The following GABRG2 variants were observed in gnomAD, a reference collection of about 807,000 sequenced individuals.
The protein encoded by GABRG2 is gamma-aminobutyric acid receptor subunit gamma-2.
In GABRG2, 16 loss-of-function variants were observed where a neutral mutation model predicts 56.4. The ratio of observed to expected loss-of-function variants is 0.28; its 90% CI spans 0.19 to 0.43. The LOEUF is 0.43. Among genes scored for constraint, GABRG2 ranks in the 20% least tolerant of loss-of-function variants. The pLI is 1.00. For synonymous variants in GABRG2, 208 were observed against 205.5 expected, an observed-to-expected ratio of 1.01 and a Z score of -0.10; for missense variants, 327 against 582.7, an observed-to-expected ratio of 0.56 and a Z score of 4.52.
At chr5:162,067,750 C>T (rs886060376), upstream of GABRG2, 18 of 610,278 alleles carry the variant, frequency 2.9e-5, no homozygotes, top group South Asian at 1.8e-4. Flanking sequence ...GATGATATTA[C>T]TCCCCCAGAC....
At chr5:162,119,460 T>C in intron 6 of GABRG2, among the ~76,000 whole-genome samples, 1 of 152,140 alleles carries the variant, frequency 6.6e-6, no homozygotes, top group Middle Eastern at 3.2e-3. Flanking sequence ...TTATAGTATA[T>C]CATAATTCTC....
intron 9 of GABRG2, chr5:162,152,109 T>G (rs1765416937): frequency 4.8e-6 from 1 of 206,438 alleles, no homozygotes; most frequent in African/African-American, 2.3e-5. Flanking sequence ...AAAATTTAAC[T>G]CTGTAAATCT....
chr5:162,081,937 A>G (rs779382049), intron 1 of GABRG2, among the ~76,000 whole-genome samples: 13 of 151,992 alleles, frequency 8.6e-5, no homozygotes, highest in Admixed American at 2.6e-4. Context: ...TTAAAAACTT[A>G]TCTTACAGAA....
chr5:162,135,366 C>T (rs1243263629), intron 6 of GABRG2, among the ~76,000 whole-genome samples: 5 of 152,012 alleles, frequency 3.3e-5, no homozygotes, highest in African/African-American at 1.2e-4. Context: ...TGTTGATCTC[C>T]ACTTTGGTCT....
chr5:162,108,824 C>A (rs1762019514), intron 6 of GABRG2, among the ~76,000 whole-genome samples: 1 of 152,108 alleles, frequency 6.6e-6, no homozygotes, highest in African/African-American at 2.4e-5. Context: ...TCCATTAACT[C>A]CTCCAAGAGC....
chr5:162,104,987 T>C (rs1761694945), intron 6 of GABRG2, among the ~76,000 whole-genome samples: 1 of 152,236 alleles, frequency 6.6e-6, no homozygotes. Flanking sequence ...TTACATATGT[T>C]CGAATTTCAA....
intron 1 of GABRG2, among the ~76,000 whole-genome samples, chr5:162,090,346 T>A (rs573775191): frequency 6.6e-6 from 1 of 151,530 alleles, no homozygotes; most frequent in Non-Finnish European, 1.5e-5. Flanking sequence ...CACATACACA[T>A]ACACATACAT....
intron 4 of GABRG2, chr5:162,098,938 C>T (rs760343251): frequency 2.1e-4 from 32 of 151,994 alleles, no homozygotes; most frequent in African/African-American, 7.5e-4. Context: ...TCTGACCTTA[C>T]GGAGTTGCTA....
rs115976622 is a variant in GABRG2, at chr5:162,068,089, G to T, written c.90G>T (p.Leu30=). 1 of 1,612,716 alleles carries T rather than the reference G, an allele frequency of 6.2e-7. No homozygotes were observed. Among genetic ancestry groups the T allele is most frequent in the African/African-American group, 1.3e-5 (1 of 74,852 alleles). ...AAATGACGGTGTGGATTCTGCTCCT[G>T]CTGTCGCTCTACCCTGGGTAAGATG... The part of the protein sequence containing the change: ...SQKMTVWILL[L]LSLYPGFTSQ... Residue 30 remains leucine, a synonymous_variant, in exon 1 of 10, where the codon CTG becomes CTT. Coordinates refer to ENST00000639213, the MANE Select transcript of GABRG2 (RefSeq NM_198904.4).
chr5:162,153,128 C>G lies in GABRG2; in HGVS notation c.1188C>G (p.Thr396=). 1.2e-6 allele frequency: 2 copies of G among 1,614,016 alleles called. No individual in the cohort carries two copies. Among genetic ancestry groups the G allele is most frequent in the Non-Finnish European group, 8.5e-7 (1 of 1,179,962 alleles). The change falls in exon 10 of 10, where the codon ACC becomes ACG. Residue 396 remains threonine (T), a synonymous_variant. Coordinates refer to ENST00000639213, the MANE Select transcript of GABRG2 (RefSeq NM_198904.4). ...TTGATATCCGCCCAAGATCAGCAAC[C>G]ATTCAAATGAATAATGCTACACACC... ...PTIDIRPRSA[T]IQMNNATHLQ... is the part of the protein sequence containing the mutation.
chr5:162,099,633 T>C (rs1761266579), intron 4 of GABRG2: 1 of 152,194 alleles, frequency 6.6e-6, no homozygotes, highest in Admixed American at 6.6e-5. Flanking sequence ...TCAGTCCAGC[T>C]TTTGAAATAT....
Position 162,153,089 on chromosome 5 carries a change from C to G in GABRG2, c.1153-4C>G, listed in dbSNP as rs1398537683. Reference sequence around the variant, plus strand: ...ATCCCTCTCCTTCCCTACCCTCGTCCCAGGCCCCTACCATTGATATCCGCC... The same window carrying G: ...ATCCCTCTCCTTCCCTACCCTCGTCGCAGGCCCCTACCATTGATATCCGCC... On this transcript the variant is annotated splice_region_variant and splice_polypyrimidine_tract_variant and intron_variant, in intron 9 of 9. Transcript: ENST00000639213. 2 of 1,613,970 alleles carry G rather than the reference C, an allele frequency of 1.2e-6. No individual in the cohort carries two copies. Among genetic ancestry groups the G allele is most frequent in the Non-Finnish European group, 1.7e-6 (2 of 1,179,940 alleles).
chr5:162,105,158 C>T (rs1428732550), intron 6 of GABRG2, among the ~76,000 whole-genome samples: 1 of 152,034 alleles, frequency 6.6e-6, no homozygotes, highest in East Asian at 1.9e-4. Flanking sequence ...GGAATCAGGC[C>T]TTCATCTACT....
chr5:162,097,668 A>T lies in GABRG2; in HGVS notation c.358A>T (p.Thr120Ser), dbSNP rs766103158. The change falls in exon 4 of 10, where the codon ACG (threonine) becomes TCG (serine). Residue 120 changes from threonine to serine, a missense_variant. By Grantham distance (58) the Thr-to-Ser change is moderately conservative. This residue lies in a region of GABRG2 where 104 missense variants were observed against 209.3 expected (regional missense o/e 0.50). Coordinates refer to ENST00000639213, the MANE Select transcript of GABRG2 (RefSeq NM_198904.4). ...CACTATTGATATATTTTTTGCGCAA[A>T]CGTGGTATGACAGACGTTTGAAATT... ...EYTIDIFFAQ[T>S]WYDRRLKFNS... The T allele has an allele frequency of 1.2e-6, 2 of 1,613,618 alleles. No individual in the cohort carries two copies. The highest frequency in any genetic ancestry group is 1.7e-6 in the Non-Finnish European group (2 of 1,179,708).
At chr5:162,079,014 ATT>A (rs1277936661) in intron 1 of GABRG2, among the ~76,000 whole-genome samples, 3 of 150,160 alleles carry the variant, frequency 2.0e-5, no homozygotes, top group Non-Finnish European at 3.0e-5. Context: ...ATAGATTAAT[ATT>A]ATATAATTAA....
chr5:162,154,394 T>G lies in GABRG2; in HGVS notation c.*1026T>G, dbSNP rs908294849. The G allele has an allele frequency of 2.6e-5, 4 of 152,146 alleles. No homozygotes were observed. The highest frequency in any genetic ancestry group is 9.7e-5 in the African/African-American group (4 of 41,442). The allele number at this position is 152,146 out of a possible 1,614,324, so 9.4% of individuals were successfully genotyped here. ...AGCACCTTGCATAGTGCCTGGCATA[T>G]AGTTGGTGCTCAATAAATATGGTTT... On this transcript the variant is annotated 3_prime_UTR_variant, in exon 10 of 10. Coordinates refer to ENST00000639213, the MANE Select transcript of GABRG2 (RefSeq NM_198904.4).
chr5:162,106,834 G>A (rs1011648458), intron 6 of GABRG2, among the ~76,000 whole-genome samples: 15 of 150,992 alleles, frequency 9.9e-5, no homozygotes, highest in Admixed American at 4.0e-4. Context: ...TCTTGAATGC[G>A]TAATGAATTT....
intron 5 of GABRG2, chr5:162,103,062 C>A (rs1242567816): frequency 1.9e-5 from 3 of 153,944 alleles, no homozygotes; most frequent in Non-Finnish European, 4.3e-5. Flanking sequence ...AAAGTTAATT[C>A]TGCAGTTGAC....
chr5:162,102,824 C>G (rs1374702380), intron 5 of GABRG2: 1 of 231,080 alleles, frequency 4.3e-6, no homozygotes, highest in Non-Finnish European at 8.9e-6. Context: ...TCTAGGGACT[C>G]TCTCTTTTTT....
Sources: allele counts gnomAD v4.1 joint callset (sites outside exome capture counted in the v4.1 genomes callset), GRCh38; gene constraint gnomAD v4.1.1; regional missense constraint gnomAD v4.1.1; transcripts MANE v1.5; gene names NCBI Gene and HGNC (gene_info 2026-07-23, HGNC 2026-07-21).